IVD: variants seen among roughly 807,000 people sequenced by gnomAD.
IVD encodes isovaleryl-CoA dehydrogenase, also known as isovaleryl-CoA dehydrogenase, mitochondrial.
IVD carries 31 observed loss-of-function variants against 51.3 expected under a neutral mutation model. The observed-to-expected ratio is 0.60, with a 90% CI of 0.45 to 0.81. The LOEUF is 0.81. IVD is among the 40% of genes least tolerant of loss of function. IVD has a pLI of 0.00. For synonymous variants in IVD, 205 were observed against 219.4 expected, an observed-to-expected ratio of 0.93 and a Z score of 0.58; for missense variants, 475 against 552.0, an observed-to-expected ratio of 0.86 and a Z score of 1.40.
rs754442513 is a variant in IVD at position 40,410,625 on chromosome 15, C to T, written c.287-3C>T. 5.0e-6 allele frequency: 8 copies of T among 1,614,216 alleles called. No homozygotes were observed. The East Asian group carries it at 1.8e-4, about 36-fold the overall frequency. On this transcript the variant is annotated splice_region_variant and splice_polypyrimidine_tract_variant and intron_variant, in intron 3 of 11. Transcript: ENST00000487418. ...CCACTCCCTTGTACCACACCACTCACAGTTCAGTATGGCGGCTCCGGCCTG... is the reference window on the plus strand; with the variant it reads ...CCACTCCCTTGTACCACACCACTCATAGTTCAGTATGGCGGCTCCGGCCTG...
At chr15:40,435,087 C>G (rs1893191450) in intron 8 of IVD, among the ~76,000 whole-genome samples, 1 of 152,230 alleles carries the variant, frequency 6.6e-6, no homozygotes, top group Admixed American at 6.5e-5. Flanking sequence ...CATATACCTA[C>G]TGAGATTGGG....
intron 11 of IVD, 82 bp downstream of exon 11, chr15:40,416,444 G>A (rs1891693249): frequency 7.6e-7 from 1 of 1,311,078 alleles, no homozygotes; most frequent in African/African-American, 1.5e-5. Flanking sequence ...TTCAGGGCGG[G>A]CGTGGTGGCT....
downstream of IVD, among the ~76,000 whole-genome samples, chr15:40,422,617 T>TC (rs1176892651): frequency 1.0e-5 from 1 of 96,180 alleles, no homozygotes; most frequent in African/African-American, 4.0e-5. Context: ...TTTTTTTTTT[T>TC]AAGACGGAGT....
In IVD at chr15:40,418,829, A is replaced by G. The variant is rs549510775; in HGVS notation, c.*566A>G. 62 of 979,502 alleles carry G rather than the reference A, an allele frequency of 6.3e-5. No homozygotes were observed. The highest frequency in any genetic ancestry group is 7.6e-5 in the Non-Finnish European group (60 of 788,728). The allele number at this position is 979,502 out of a possible 1,614,324, so 60.7% of individuals were successfully genotyped here. A position where few individuals can be genotyped will look rare whatever the true frequency, so the allele number is the denominator to read the frequency against. Reference sequence around the variant, plus strand: ...CAACTTTCAGTCTCTTTTCTGGGGGAAAAAAATAATAAACCTAGCCTAGCC... The same window carrying G: ...CAACTTTCAGTCTCTTTTCTGGGGGGAAAAAATAATAAACCTAGCCTAGCC... On this transcript the variant is annotated 3_prime_UTR_variant, in exon 12 of 12. Transcript: ENST00000487418.
At chr15:40,427,387 G>A (rs1440961359), downstream of IVD, among the ~76,000 whole-genome samples, 2 of 152,252 alleles carry the variant, frequency 1.3e-5, no homozygotes, top group Non-Finnish European at 2.9e-5. Context: ...GGCAAGGAGC[G>A]TGAACACGCA....
At chr15:40,425,763 T>G (rs555265373), downstream of IVD, among the ~76,000 whole-genome samples, 3 of 151,970 alleles carry the variant, frequency 2.0e-5, no homozygotes, top group Non-Finnish European at 4.4e-5. Context: ...GCTTAAGAGA[T>G]CTGCCTGCCT....
rs1892164802 is a variant in IVD at position 40,420,188 on chromosome 15, G to T, written c.*1925G>T. 5 of 985,806 alleles carry T rather than the reference G, an allele frequency of 5.1e-6. No homozygotes were observed. Among genetic ancestry groups the T allele is most frequent in the South Asian group, 4.7e-5 (1 of 21,310 alleles). The allele number at this position is 985,806 out of a possible 1,614,324, so 61.1% of individuals were successfully genotyped here. On this transcript the variant is annotated 3_prime_UTR_variant, in exon 12 of 12. Transcript: ENST00000487418. ...AGAGGACAGCGTGCTTTTGTGTACT[G>T]TTGGAAGACTGGCTCCTCCTGTACA...
chr15:40,418,237 A>G lies in IVD; in HGVS notation c.1246A>G (p.Arg416Gly). The G allele has an allele frequency of 6.2e-7, 1 of 1,614,174 alleles. No individual in the cohort carries two copies. The highest frequency in any genetic ancestry group is 8.5e-7 in the Non-Finnish European group (1 of 1,180,022). ...CGAGGTGAGGCGGCTGGTCATCGGC[A>G]GAGCCTTCAATGCAGACTTTCACTA... is the stretch of plus-strand genomic sequence containing the variant. ...TSEVRRLVIG[R>G]AFNADFH Residue 416 changes from arginine to glycine, a missense_variant, in exon 12 of 12, where the codon AGA becomes GGA. Physicochemically the swap from Arg to Gly is moderately radical, Grantham distance 125. Transcript: ENST00000487418.
At chr15:40,434,282 T>G (rs2141442356) in intron 8 of IVD, among the ~76,000 whole-genome samples, 1 of 152,300 alleles carries the variant, frequency 6.6e-6, no homozygotes, top group South Asian at 2.1e-4. Flanking sequence ...GCCCCTAATT[T>G]TAATCTTTTT....
chr15:40,409,158 T>A (rs1425726698), intron 3 of IVD, among the ~76,000 whole-genome samples: 1 of 152,230 alleles, frequency 6.6e-6, no homozygotes, highest in African/African-American at 2.4e-5. Flanking sequence ...CTACTGTGTT[T>A]TGGGGGTTTA....
At position 40,407,606 on chromosome 15, in the gene IVD, A is replaced by G. The variant is rs777917860; in HGVS notation, c.145-30A>G. 22 of 1,488,490 alleles carry G rather than the reference A, an allele frequency of 1.5e-5. No individual in the cohort carries two copies. The Admixed American group carries it at 2.2e-4, about 15-fold the overall frequency. The allele number at this position is 1,488,490 out of a possible 1,614,324, so 92.2% of individuals were successfully genotyped here. A position where few individuals can be genotyped will look rare whatever the true frequency, so the allele number is the denominator to read the frequency against. On this transcript the variant is annotated intron_variant, in intron 1 of 11. Transcript: ENST00000487418. The stretch of plus-strand genomic sequence containing the variant: ...TCTGGGTAGTGGAGATGCTGTCTGC[A>G]GTGGCATCTGTTTACCTCTCTCCTA...
chr15:40,424,039 C>A, downstream of IVD: 1 of 713,796 alleles, frequency 1.4e-6, no homozygotes, highest in Non-Finnish European at 1.9e-6. Flanking sequence ...GCCTCTTTCC[C>A]TCACCCACCA....
At position 40,419,245 on chromosome 15, in the gene IVD, G is replaced by A; in HGVS notation, c.*982G>A. 1 of 1,288,840 alleles carries A rather than the reference G, an allele frequency of 7.8e-7. No homozygotes were observed. Among genetic ancestry groups the A allele is most frequent in the Non-Finnish European group, 1.0e-6 (1 of 988,420 alleles). The allele number at this position is 1,288,840 out of a possible 1,614,324, so 79.8% of individuals were successfully genotyped here. The stretch of plus-strand genomic sequence containing the variant: ...TGCTTGCTTGGCCAGGCAAGGTGGT[G>A]TGTGCCTGTAATCCCAGCACTTTGG... On this transcript the variant is annotated 3_prime_UTR_variant, in exon 12 of 12. Transcript: ENST00000487418.
At chr15:40,416,663 C>G (rs566224353) in intron 11 of IVD, among the ~76,000 whole-genome samples, 21 of 152,242 alleles carry the variant, frequency 1.4e-4, no homozygotes, top group Non-Finnish European at 2.1e-4. Context: ...CACCATTGCA[C>G]TCCAGCCTAG....
intron 1 of IVD, among the ~76,000 whole-genome samples, chr15:40,407,131 G>A (rs1890527780): frequency 6.6e-6 from 1 of 152,230 alleles, no homozygotes; most frequent in African/African-American, 2.4e-5. Context: ...CCAAAGTGCT[G>A]GGATTACAGG....
chr15:40,407,732 TG>T lies in IVD; in HGVS notation c.234+10del, dbSNP rs745874056. ...TGAGTTCAAGAACCTGCGAGTGAGT[TG>T]GGAGGTCCGGGCAGTCGGGGGCAGT... On this transcript the variant is annotated splice_region_variant and intron_variant, in intron 2 of 11. Transcript: ENST00000487418. The T allele has an allele frequency of 1.2e-5, 20 of 1,613,084 alleles. No individual in the cohort carries two copies. In the Admixed American group the frequency reaches 3.2e-4, roughly 26 times the overall value.
chr15:40,414,986 A>G lies in IVD; in HGVS notation c.878+4A>G, dbSNP rs548465411. ...TGCTGGCCGGGGGGCCTCTTGGGTA[A>G]GTGTGAGAGGCTTGAGGGAAGCTGG... On this transcript the variant is annotated splice_donor_region_variant and intron_variant, in intron 8 of 11. Coordinates refer to ENST00000487418, the MANE Select transcript of IVD (RefSeq NM_002225.5). The G allele has an allele frequency of 6.2e-7, 1 of 1,613,510 alleles. No individual in the cohort carries two copies. The highest frequency in any genetic ancestry group is 8.5e-7 in the Non-Finnish European group (1 of 1,179,848).
At chr15:40,414,820 T>G in intron 7 of IVD, 69 bp from the exon 8 acceptor site, 1 of 1,599,460 alleles carries the variant, frequency 6.3e-7, no homozygotes, top group Non-Finnish European at 8.5e-7. Flanking sequence ...TTTCCAAATC[T>G]AGTACCTTTG....
chr15:40,417,995 C>T (rs1891894798), intron 11 of IVD, 135 bp from the exon 12 acceptor site: 4 of 1,265,242 alleles, frequency 3.2e-6, no homozygotes, highest in African/African-American at 1.5e-5. Context: ...CACACCCCTC[C>T]CTCTTGCTAC....
Sources: gnomAD v4.1 joint callset for allele counts (sites outside exome capture counted in the v4.1 genomes callset) on GRCh38, gnomAD v4.1.1 for gene constraint, MANE v1.5 for transcripts, NCBI Gene and HGNC (gene_info 2026-07-23, HGNC 2026-07-21) for gene names.